Variants in TNFAIP8L1 observed in about 807,000 individuals in gnomAD.
The protein encoded by TNFAIP8L1 is tumor necrosis factor alpha-induced protein 8-like protein 1.
For synonymous variants in TNFAIP8L1, 127 were observed against 125.6 expected (o/e 1.01, Z -0.08); for missense variants, 225 against 266.1 (o/e 0.85, Z 1.08).
At chr19:4,643,149 C>T (rs375521759) in intron 1 of TNFAIP8L1, among the ~76,000 whole-genome samples, 1 of 151,576 alleles carries the variant, frequency 6.6e-6, no homozygotes, top group South Asian at 2.1e-4. Flanking sequence ...CATGGTGGCA[C>T]GTGTCTGTAA....
At chr19:4,644,050 C>A (rs544297191) in intron 1 of TNFAIP8L1, among the ~76,000 whole-genome samples, 1 of 149,888 alleles carries the variant, frequency 6.7e-6, no homozygotes, top group African/African-American at 2.5e-5. Flanking sequence ...GAGAAAACCC[C>A]GTCTCTACTA....
In TNFAIP8L1 at chr19:4,642,664, G is replaced by C. The variant is rs2088272433; in HGVS notation, c.-4+3035G>C. On this transcript the variant is annotated intron_variant, in intron 1 of 1. Coordinates refer to ENST00000327473, the MANE Select transcript of TNFAIP8L1 (RefSeq NM_152362.3). ...GGGCACAGGTTGTGTAAAGGCCCTG[G>C]GGCAAGATGGCGCCTGGCATGGTAG... Among the ~76,000 whole-genome samples the C allele has an allele frequency of 2.0e-5, 3 of 151,932 alleles. No homozygotes were observed. In the South Asian group the frequency reaches 6.2e-4, roughly 32 times the overall value.
At position 4,652,115 on chromosome 19, in the gene TNFAIP8L1, G is replaced by A. The variant is rs1416580417; in HGVS notation, c.246G>A (p.Glu82=). Residue 82 remains glutamate (E), a synonymous_variant, in exon 2 of 2, where the codon GAG becomes GAA. Coordinates refer to ENST00000327473, the MANE Select transcript of TNFAIP8L1 (RefSeq NM_152362.3). ...TGCGTGGGGACCAGCTGGGCGGTGA[G>A]GAGCTGGCGCTGCTGCGGCGCTTCC... is the stretch of plus-strand genomic sequence containing the variant. ...LLLRGDQLGG[E]ELALLRRFRH... 20 of 1,588,238 alleles carry A rather than the reference G, an allele frequency of 1.3e-5. No individual in the cohort carries two copies. The highest frequency in any genetic ancestry group is 1.7e-5 in the Non-Finnish European group (20 of 1,167,706).
chr19:4,642,279 G>C (rs1315791498), intron 1 of TNFAIP8L1: 1 of 152,148 alleles, frequency 6.6e-6, no homozygotes, highest in Non-Finnish European at 1.5e-5. Flanking sequence ...TCAGGAATTC[G>C]AGACCAGCCT....
At chr19:4,646,023 C>T (rs945644740) in intron 1 of TNFAIP8L1, among the ~76,000 whole-genome samples, 19 of 152,202 alleles carry the variant, frequency 1.2e-4, no homozygotes, top group African/African-American at 4.6e-4. Flanking sequence ...CCCAGCCTCT[C>T]CCTAGAGAGG....
chr19:4,648,925 T>C (rs1257491848), intron 1 of TNFAIP8L1, among the ~76,000 whole-genome samples: 1 of 71,478 alleles, frequency 1.4e-5, no homozygotes, highest in East Asian at 3.1e-4. Flanking sequence ...GCAAACATCC[T>C]TTTTTTTTTT....
intron 1 of TNFAIP8L1, among the ~76,000 whole-genome samples, chr19:4,650,694 T>C (rs552630151): frequency 6.6e-6 from 1 of 152,208 alleles, no homozygotes; most frequent in East Asian, 1.9e-4. Context: ...ACGGGGGCTG[T>C]CCAAGTCAAT....
At chr19:4,642,092 C>T (rs2088266052) in intron 1 of TNFAIP8L1, 1 of 152,274 alleles carries the variant, frequency 6.6e-6, no homozygotes, top group Non-Finnish European at 1.5e-5. Flanking sequence ...GTGGGAGGAT[C>T]ACCTGAGCCC....
chr19:4,652,221 G>A lies in TNFAIP8L1; in HGVS notation c.352G>A (p.Ala118Thr), dbSNP rs1486297556. The change falls in exon 2 of 2, where the codon GCC becomes ACC. Residue 118 changes from alanine (A) to threonine (T), a missense_variant. Ala to Thr is a moderately conservative substitution (Grantham distance 58). Coordinates refer to ENST00000327473, the MANE Select transcript of TNFAIP8L1 (RefSeq NM_152362.3). Reference protein sequence around the residue: ...DFTFDRRVLAAGLLECRDLLH... With the variant: ...DFTFDRRVLATGLLECRDLLH... ...CACCTTCGACCGGCGCGTGCTGGCC[G>A]CCGGGCTGCTCGAGTGCCGCGACCT... 7.8e-6 allele frequency: 12 copies of A among 1,546,140 alleles called. No homozygotes were observed. Among genetic ancestry groups the A allele is most frequent in the South Asian group, 5.9e-5 (5 of 84,896 alleles).
At chr19:4,649,509 G>C (rs1039833324) in intron 1 of TNFAIP8L1, among the ~76,000 whole-genome samples, 12 of 152,184 alleles carry the variant, frequency 7.9e-5, no homozygotes, top group Non-Finnish European at 1.5e-4. Context: ...CTAAATATCA[G>C]GGTTGCCCTC....
At chr19:4,646,931 C>G (rs2088317506) in intron 1 of TNFAIP8L1, among the ~76,000 whole-genome samples, 1 of 152,202 alleles carries the variant, frequency 6.6e-6, no homozygotes, top group Non-Finnish European at 1.5e-5. Flanking sequence ...CCCGGCCCTT[C>G]CTGAACATTT....
At chr19:4,647,617 T>C (rs1003157296) in intron 1 of TNFAIP8L1, among the ~76,000 whole-genome samples, 1 of 146,976 alleles carries the variant, frequency 6.8e-6, no homozygotes, top group African/African-American at 2.5e-5. Flanking sequence ...GGCTTTTTTT[T>C]TTTTTTTTTT....
intron 1 of TNFAIP8L1, chr19:4,642,344 G>C (rs1214578095): frequency 2.0e-5 from 3 of 152,026 alleles, no homozygotes; most frequent in African/African-American, 7.2e-5. Flanking sequence ...AGGCGGGCGT[G>C]GTGGTGGGTG....
Position 4,641,807 on chromosome 19 carries a change from C to T in TNFAIP8L1, c.-4+2178C>T, listed in dbSNP as rs578221798. 1.4e-4 allele frequency: 22 copies of T among 152,332 alleles called. No individual in the cohort carries two copies. The highest frequency in any genetic ancestry group is 5.1e-4 in the African/African-American group (21 of 41,560). 9.4% of individuals were successfully genotyped at this position (152,332 alleles called of 1,614,324 possible). A position where few individuals can be genotyped will look rare whatever the true frequency, so the allele number is the denominator to read the frequency against. Reference sequence around the variant, plus strand: ...GGCTCTGGGAGAGACGAGACTTGAACCCCAAATGTGCCATTGACTAGGATG... The same window carrying T: ...GGCTCTGGGAGAGACGAGACTTGAATCCCAAATGTGCCATTGACTAGGATG... On this transcript the variant is annotated intron_variant, in intron 1 of 1. Coordinates refer to ENST00000327473, the MANE Select transcript of TNFAIP8L1 (RefSeq NM_152362.3). This position sits in a 1 kb window ranked among gnomAD's most constrained non-coding sequence, Gnocchi z 4.6.
intron 1 of TNFAIP8L1, among the ~76,000 whole-genome samples, chr19:4,642,635 C>T (rs2088272169): frequency 6.7e-6 from 1 of 150,278 alleles, no homozygotes; most frequent in Non-Finnish European, 1.5e-5. Context: ...GCAGCTCAGG[C>T]AGAGGGCACA....
At chr19:4,646,218 G>C (rs1454522542) in intron 1 of TNFAIP8L1, among the ~76,000 whole-genome samples, 1 of 151,778 alleles carries the variant, frequency 6.6e-6, no homozygotes, top group South Asian at 2.1e-4. Flanking sequence ...CGCCTCCCAG[G>C]TTCAAGCGGT....
chr19:4,640,967 C>G (rs892775744), intron 1 of TNFAIP8L1: 10 of 148,984 alleles, frequency 6.7e-5, no homozygotes, highest in African/African-American at 2.2e-4. Flanking sequence ...GGGCACTGGC[C>G]AGAGGCTGGA....
intron 1 of TNFAIP8L1, 63 bp from the exon 2 acceptor site, chr19:4,651,804 A>C (rs2088366573): frequency 6.6e-7 from 1 of 1,505,082 alleles, no homozygotes; most frequent in African/African-American, 1.4e-5. Context: ...TGGTGTTGTC[A>C]CCTCTTCTGT....
At chr19:4,643,224 A>G (rs2088279506) in intron 1 of TNFAIP8L1, among the ~76,000 whole-genome samples, 1 of 151,452 alleles carries the variant, frequency 6.6e-6, no homozygotes, top group Admixed American at 6.6e-5. Context: ...GGTTGCAGTG[A>G]GCCGAGATCA....
Sources: gnomAD v4.1 joint callset for allele counts (sites outside exome capture counted in the v4.1 genomes callset) on GRCh38, gnomAD v4.1.1 for gene constraint, Gnocchi (gnomAD v3.1) non-coding constraint, MANE v1.5 for transcripts, NCBI Gene and HGNC (gene_info 2026-07-23, HGNC 2026-07-21) for gene names.